SREBF2: variants seen among roughly 807,000 people sequenced by gnomAD.
SREBF2 encodes the protein sterol regulatory element-binding protein 2.
Under a neutral mutation model 113.1 loss-of-function variants are expected in SREBF2, and 55 were observed. That is an observed-to-expected ratio of 0.49 (90% CI 0.39 to 0.61). SREBF2 has a LOEUF of 0.61. Among genes scored for constraint, SREBF2 ranks in the 20% least tolerant of loss-of-function variants. The pLI is 0.00. For synonymous variants in SREBF2, 593 were observed against 605.7 expected (o/e 0.98, Z 0.31); for missense variants, 1,349 against 1,487.4 (o/e 0.91, Z 1.53).
At chr22:41,878,569 G>A (rs1244018544) in intron 9 of SREBF2, 1 of 864,086 alleles carries the variant, frequency 1.2e-6, no homozygotes, top group Admixed American at 2.4e-5. Context: ...ACTAGGAACT[G>A]ATTTGGGGCT....
chr22:41,867,301 G>A lies in SREBF2; in HGVS notation c.538+21G>A, dbSNP rs760017365. ...TCAAGGTGATTCAGAAGTTAGAATG[G>A]TAGTGGTTGGTTGGTTCCAATGTTT... On this transcript the variant is annotated intron_variant, in intron 2 of 18. Coordinates refer to ENST00000361204, the MANE Select transcript of SREBF2 (RefSeq NM_004599.4). 10 of 1,613,388 alleles carry A rather than the reference G, an allele frequency of 6.2e-6. No individual in the cohort carries two copies. In the Admixed American group the frequency reaches 8.3e-5, roughly 13 times the overall value.
intron 1 of SREBF2, chr22:41,834,771 G>C (rs965885585): frequency 1.3e-5 from 2 of 152,238 alleles, no homozygotes; most frequent in African/African-American, 4.8e-5. Flanking sequence ...TCTTTGCTAA[G>C]TGCTTCTAAA....
intron 11 of SREBF2, among the ~76,000 whole-genome samples, chr22:41,892,605 G>A (rs1318155419): frequency 7.3e-6 from 1 of 137,156 alleles, no homozygotes; most frequent in African/African-American, 2.9e-5. Flanking sequence ...TCGAGATCGC[G>A]CCACTGCACT....
chr22:41,889,264 C>T (rs970193940), intron 11 of SREBF2, among the ~76,000 whole-genome samples: 5 of 152,086 alleles, frequency 3.3e-5, no homozygotes, highest in African/African-American at 1.2e-4. Context: ...GTAGCTGGGA[C>T]TGCAGGTATA....
At chr22:41,884,610 G>T (rs2077282030) in intron 10 of SREBF2, among the ~76,000 whole-genome samples, 1 of 152,156 alleles carries the variant, frequency 6.6e-6, no homozygotes, top group South Asian at 2.1e-4. Context: ...GACAGCTCTG[G>T]GTGTGACAGA....
intron 1 of SREBF2, among the ~76,000 whole-genome samples, chr22:41,838,070 A>G (rs1048041450): frequency 1.3e-5 from 2 of 152,074 alleles, no homozygotes; most frequent in Admixed American, 1.3e-4. Context: ...ATATATCTCT[A>G]TTTTGAGAAA....
At chr22:41,891,783 C>T (rs2077365561) in intron 11 of SREBF2, among the ~76,000 whole-genome samples, 1 of 152,228 alleles carries the variant, frequency 6.6e-6, no homozygotes, top group Non-Finnish European at 1.5e-5. Context: ...CTCCCTCCCT[C>T]CTGTCTTCTG....
chr22:41,868,720 C>G lies in SREBF2; in HGVS notation c.648C>G (p.Ala216=). The G allele has an allele frequency of 1.2e-6, 2 of 1,614,200 alleles. No individual in the cohort carries two copies. Among genetic ancestry groups the G allele is most frequent in the Non-Finnish European group, 1.7e-6 (2 of 1,180,036 alleles). Residue 216 remains alanine (A), a synonymous_variant, in exon 3 of 19, where the codon GCC becomes GCG. Coordinates refer to ENST00000361204, the MANE Select transcript of SREBF2 (RefSeq NM_004599.4). ...CCCAGCGGGTGCTGACACAAACGGC[C>G]AATGGCACGCTGCAGACCCTTGCCC... ...VQAQRVLTQT[A]NGTLQTLAPA...
rs2077089671 is a variant in SREBF2 at position 41,867,190 on chromosome 22, G to A, written c.448G>A (p.Val150Ile). 2 of 1,614,030 alleles carry A rather than the reference G, an allele frequency of 1.2e-6. No homozygotes were observed. Among genetic ancestry groups the A allele is most frequent in the Admixed American group, 1.7e-5 (1 of 59,990 alleles). Residue 150 changes from valine to isoleucine, a missense_variant, in exon 2 of 19, where the codon GTA (valine) becomes ATA (isoleucine). Physicochemically the swap from Val to Ile is conservative, Grantham distance 29. Around this residue, in one of 2 missense-constraint regions of SREBF2, gnomAD observed 699 missense variants for 843.3 expected, o/e 0.83. Coordinates refer to ENST00000361204, the MANE Select transcript of SREBF2 (RefSeq NM_004599.4). ...TCAAACTCAGCTGCAACAACAGACG[G>A]TAATGATCACGCCAACATTCAGCAC... ...QPQTQLQQQT[V>I]MITPTFSTTP...
chr22:41,856,764 C>A (rs2076981034), intron 1 of SREBF2, among the ~76,000 whole-genome samples: 1 of 152,054 alleles, frequency 6.6e-6, no homozygotes, highest in African/African-American at 2.4e-5. Context: ...AGCTTGGAAG[C>A]TTGTGTTAAA....
At chr22:41,886,628 C>T (rs2077301597) in intron 11 of SREBF2, among the ~76,000 whole-genome samples, 1 of 152,148 alleles carries the variant, frequency 6.6e-6, no homozygotes, top group African/African-American at 2.4e-5. Flanking sequence ...TGAGGCCCTC[C>T]CTGCTCTTCC....
rs1602357840 is a variant in SREBF2 at position 41,906,161 on chromosome 22, C to T, written c.*501C>T. On this transcript the variant is annotated 3_prime_UTR_variant, in exon 19 of 19. Transcript: ENST00000361204. ...ATGATGCGAGGCTGAGTTGCTGTAGCGTCTTGATTCTCTCCCTGGGTCTGC... is the reference window on the plus strand; with the variant it reads ...ATGATGCGAGGCTGAGTTGCTGTAGTGTCTTGATTCTCTCCCTGGGTCTGC... 5.4e-6 allele frequency: 2 copies of T among 370,398 alleles called. No homozygotes were observed. Among genetic ancestry groups the T allele is most frequent in the East Asian group, 7.3e-5 (1 of 13,730 alleles). 22.9% of individuals were successfully genotyped at this position (370,398 alleles called of 1,614,324 possible). A position where few individuals can be genotyped will look rare whatever the true frequency, so the allele number is the denominator to read the frequency against.
intron 16 of SREBF2, 117 bp from the exon 17 acceptor site, chr22:41,902,853 C>A: frequency 8.6e-7 from 1 of 1,158,338 alleles, no homozygotes; most frequent in Non-Finnish European, 1.3e-6. Flanking sequence ...TGGGGCTCTC[C>A]ACTTCCTCCC....
At chr22:41,874,611 T>G (rs1308483955) in intron 5 of SREBF2, among the ~76,000 whole-genome samples, 1 of 152,216 alleles carries the variant, frequency 6.6e-6, no homozygotes, top group Admixed American at 6.5e-5. Context: ...ATCTATGCCT[T>G]AAGATAACTG....
rs143615881 is a variant in SREBF2, at chr22:41,866,944, GGCAGCA to G, written c.218_223del (p.Ser73_Ser74del). 5.0e-5 allele frequency: 81 copies of G among 1,613,126 alleles called. No individual in the cohort carries two copies. Among genetic ancestry groups the G allele is most frequent in the African/African-American group, 2.9e-4 (22 of 74,604 alleles). ...TAGTGGTAGCAGCAGCGGCAGCAGT[GGCAGCA>G]GCAGCAGCAGCAGCAATGGCAGGGG... On this transcript the variant is annotated inframe_deletion, in exon 2 of 19. Transcript: ENST00000361204.
intron 1 of SREBF2, among the ~76,000 whole-genome samples, chr22:41,863,825 C>A (rs1048465986): frequency 1.5e-4 from 23 of 152,128 alleles, no homozygotes; most frequent in Non-Finnish European, 2.9e-5. Flanking sequence ...CATATGGAGA[C>A]TACACTAGAA....
At chr22:41,836,603 C>T (rs1465606067) in intron 1 of SREBF2, among the ~76,000 whole-genome samples, 1 of 152,208 alleles carries the variant, frequency 6.6e-6, no homozygotes, top group Non-Finnish European at 1.5e-5. Context: ...CCACTAAATT[C>T]TTTGAACCTA....
At chr22:41,883,095 C>T (rs147522495) in intron 10 of SREBF2, among the ~76,000 whole-genome samples, 94 of 152,222 alleles carry the variant, frequency 6.2e-4, no homozygotes, top group African/African-American at 2.1e-3. Context: ...CAGAGATGAA[C>T]AGATAGAGGA....
At chr22:41,852,986 G>A (rs895315621) in intron 1 of SREBF2, among the ~76,000 whole-genome samples, 1 of 152,078 alleles carries the variant, frequency 6.6e-6, no homozygotes, top group Non-Finnish European at 1.5e-5. Context: ...CTGACCTCAA[G>A]TGATCCACCC....
Sources: allele counts gnomAD v4.1 joint callset (sites outside exome capture counted in the v4.1 genomes callset), GRCh38; gene constraint gnomAD v4.1.1; regional missense constraint gnomAD v4.1.1; transcripts MANE v1.5; gene names NCBI Gene and HGNC (gene_info 2026-07-23, HGNC 2026-07-21).